GATD1: variants seen among roughly 807,000 people sequenced by gnomAD.
GATD1 encodes the protein glutamine amidotransferase class 1 domain containing 1.
GATD1 carries 23 observed loss-of-function variants against 25.9 expected under a neutral mutation model. That is an observed-to-expected ratio of 0.89 (90% CI 0.64 to 1.26). GATD1 has a LOEUF of 1.26. GATD1 is among the 50% of genes most tolerant of loss of function. The pLI is 0.00. For synonymous variants in GATD1, 177 were observed against 134.6 expected (o/e 1.31, Z -2.18); for missense variants, 347 against 312.5 (o/e 1.11, Z -0.83).
rs71022972 is a variant in GATD1 at position 775,976 on chromosome 11, C to CTTTTTTTTTTTT, written c.65-846_65-835dup. Among the ~76,000 whole-genome samples, 153 of 72,288 alleles carry CTTTTTTTTTTTT rather than the reference C, an allele frequency of 2.1e-3. 11 individuals carry two copies. Among genetic ancestry groups the CTTTTTTTTTTTT allele is most frequent in the East Asian group, 3.4e-3 (8 of 2,326 alleles). 47.4% of individuals were successfully genotyped at this position (72,288 alleles called of 152,430 possible). A position where few individuals can be genotyped will look rare whatever the true frequency, so the allele number is the denominator to read the frequency against. On this transcript the variant is annotated intron_variant, in intron 1 of 7. Coordinates refer to ENST00000319863, the MANE Select transcript of GATD1 (RefSeq NM_182612.4). ...CCTCAGCTTCATTTTTATCTTCATT[C>CTTTTTTTTTTTT]TTTTTTTTTTTTTTTTTTTTTTTTT... is the stretch of plus-strand genomic sequence containing the variant.
intron 4 of GATD1, 85 bp downstream of exon 4, chr11:773,437 T>C: frequency 8.6e-7 from 1 of 1,164,862 alleles, no homozygotes; most frequent in East Asian, 2.5e-5. Flanking sequence ...CCTGGAGTCT[T>C]CCCACCTCTC....
intron 3 of GATD1, among the ~76,000 whole-genome samples, 176 bp from the exon 4 acceptor site, chr11:773,805 G>A (rs1273952344): frequency 6.6e-6 from 1 of 152,090 alleles, no homozygotes; most frequent in African/African-American, 2.4e-5. Context: ...TGACTTTCCT[G>A]TCTCCACACA....
rs1339104131 is a variant in GATD1, at chr11:770,626, C to G, written c.*271G>C. On this transcript the variant is annotated 3_prime_UTR_variant, in exon 8 of 8. Transcript: ENST00000319863. ...CCAGCCTGGAATTCCCGAGGACCAC[C>G]TAGCAGCTAGCACAGCTCTCCAGGC... The G allele has an allele frequency of 1.4e-6, 2 of 1,417,204 alleles. No individual in the cohort carries two copies. Among genetic ancestry groups the G allele is most frequent in the Non-Finnish European group, 1.8e-6 (2 of 1,089,484 alleles). The allele number at this position is 1,417,204 out of a possible 1,614,324, so 87.8% of individuals were successfully genotyped here. A position where few individuals can be genotyped will look rare whatever the true frequency, so the allele number is the denominator to read the frequency against.
In GATD1 at chr11:775,976, C is replaced by CTTTTTTTTTTTTT. The variant is rs71022972; in HGVS notation, c.65-847_65-835dup. ...CCTCAGCTTCATTTTTATCTTCATT[C>CTTTTTTTTTTTTT]TTTTTTTTTTTTTTTTTTTTTTTTT... On this transcript the variant is annotated intron_variant, in intron 1 of 7. Transcript: ENST00000319863. 7.9e-4 allele frequency among the ~76,000 whole-genome samples: 57 copies of CTTTTTTTTTTTTT among 72,286 alleles called. 6 individuals are homozygous for CTTTTTTTTTTTTT. The highest frequency in any genetic ancestry group is 0.017 in the Middle Eastern group (1 of 58). 47.4% of individuals were successfully genotyped at this position (72,286 alleles called of 152,430 possible).
chr11:774,398 T>TA (rs1349807044), intron 2 of GATD1, among the ~76,000 whole-genome samples: 1 of 152,236 alleles, frequency 6.6e-6, no homozygotes, highest in African/African-American at 2.4e-5. Context: ...TACTATGACT[T>TA]ATGTACATCT....
Position 769,354 on chromosome 11 carries a change from C to A in GATD1, c.*1543G>T. 1 of 961,100 alleles carries A rather than the reference C, an allele frequency of 1.0e-6. No homozygotes were observed. Among genetic ancestry groups the A allele is most frequent in the Non-Finnish European group, 1.2e-6 (1 of 807,810 alleles). 59.5% of individuals were successfully genotyped at this position (961,100 alleles called of 1,614,324 possible). A position where few individuals can be genotyped will look rare whatever the true frequency, so the allele number is the denominator to read the frequency against. ...TTTTTATTTTTGAGACGGAGTTTCA[C>A]TCATTGCCCAGGTTGGAGTGCAATG... is the stretch of plus-strand genomic sequence containing the variant. On this transcript the variant is annotated 3_prime_UTR_variant, in exon 8 of 8. Transcript: ENST00000319863.
rs914242281 is a variant in GATD1 at position 770,421 on chromosome 11, G to C, written c.*476C>G. The stretch of plus-strand genomic sequence containing the variant: ...CTCCTAAAAAATTCCGTTCACCTTT[G>C]GCCAAAGTTCTGAGCCAGCTCCCGC... On this transcript the variant is annotated 3_prime_UTR_variant, in exon 8 of 8. Transcript: ENST00000319863. 5.3e-6 allele frequency: 8 copies of C among 1,514,506 alleles called. No individual in the cohort carries two copies. In the African/African-American group the frequency reaches 1.1e-4, roughly 21 times the overall value. 93.8% of individuals were successfully genotyped at this position (1,514,506 alleles called of 1,614,324 possible).
intron 5 of GATD1, 51 bp downstream of exon 5, chr11:772,376 G>C (rs1389572079): frequency 1.5e-6 from 2 of 1,293,490 alleles, no homozygotes; most frequent in East Asian, 4.6e-5. Flanking sequence ...TGGCTGTGAT[G>C]GGGGAGGACA....
chr11:770,223 C>A lies in GATD1; in HGVS notation c.*674G>T. On this transcript the variant is annotated 3_prime_UTR_variant, in exon 8 of 8. Transcript: ENST00000319863. Reference sequence around the variant, plus strand: ...CTGTGCAAGGCCGTGGGGGACAGCACTTTCCTATCATTGAGAATCTCATGG... The same window carrying A: ...CTGTGCAAGGCCGTGGGGGACAGCAATTTCCTATCATTGAGAATCTCATGG... The A allele has an allele frequency of 7.2e-7, 1 of 1,382,796 alleles. No homozygotes were observed. The highest frequency in any genetic ancestry group is 9.4e-7 in the Non-Finnish European group (1 of 1,063,680). 85.7% of individuals were successfully genotyped at this position (1,382,796 alleles called of 1,614,324 possible).
At position 767,957 on chromosome 11, in the gene GATD1, T is replaced by G. The variant is rs1863149198; in HGVS notation, c.*2940A>C. The G allele has an allele frequency of 6.6e-6, 1 of 152,118 alleles. No homozygotes were observed. The highest frequency in any genetic ancestry group is 6.6e-5 in the Admixed American group (1 of 15,262). 9.4% of individuals were successfully genotyped at this position (152,118 alleles called of 1,614,324 possible). On this transcript the variant is annotated 3_prime_UTR_variant, in exon 8 of 8. Coordinates refer to ENST00000319863, the MANE Select transcript of GATD1 (RefSeq NM_182612.4). ...CCTCCGCCTCCTGGGTTCAAGCGAT[T>G]CTCCTGCCTCAGCCTCCCAAGTAAA... is the stretch of plus-strand genomic sequence containing the variant.
At position 770,768 on chromosome 11, in the gene GATD1, A is replaced by T; in HGVS notation, c.*129T>A. On this transcript the variant is annotated 3_prime_UTR_variant, in exon 8 of 8. Transcript: ENST00000319863. Reference sequence around the variant, plus strand: ...ATTCCAGGAGGCCTCCAACAATCCCATCAGGGCCAGACCAGGCTGCCATCC... The same window carrying T: ...ATTCCAGGAGGCCTCCAACAATCCCTTCAGGGCCAGACCAGGCTGCCATCC... The T allele has an allele frequency of 6.6e-7, 1 of 1,519,804 alleles. No individual in the cohort carries two copies. Among genetic ancestry groups the T allele is most frequent in the Non-Finnish European group, 8.8e-7 (1 of 1,137,258 alleles). The allele number at this position is 1,519,804 out of a possible 1,614,324, so 94.1% of individuals were successfully genotyped here.
At chr11:772,060 A>C (rs1456522425) in intron 5 of GATD1, among the ~76,000 whole-genome samples, 1 of 152,124 alleles carries the variant, frequency 6.6e-6, no homozygotes, top group Non-Finnish European at 1.5e-5. Flanking sequence ...GTCTCCGAGG[A>C]CACCCTGGCT....
chr11:773,068 C>T (rs768365687), intron 4 of GATD1, among the ~76,000 whole-genome samples: 149 of 152,350 alleles, frequency 9.8e-4, no homozygotes, highest in Admixed American at 1.8e-3. Flanking sequence ...CACTCCAACA[C>T]ACAAAGGGTG....
rs1565013540 is a variant in GATD1 at position 773,631 on chromosome 11, T to G, written c.248-2A>C. 1 of 1,602,400 alleles carries G rather than the reference T, an allele frequency of 6.2e-7. No homozygotes were observed. Among genetic ancestry groups the G allele is most frequent in the Non-Finnish European group, 8.5e-7 (1 of 1,175,582 alleles). On this transcript the variant is annotated splice_acceptor_variant, in intron 3 of 7. Coordinates refer to ENST00000319863, the MANE Select transcript of GATD1 (RefSeq NM_182612.4). LOFTEE classifies it high-confidence loss of function. ...TCAGGAGGGCATGGTACCGGGCACC[T>G]GGGGGGAGACCACAAACCAGGTAGC...
chr11:777,464 G>A lies in GATD1; in HGVS notation c.-2C>T, dbSNP rs1445936360. 1.1e-5 allele frequency: 14 copies of A among 1,235,454 alleles called. No homozygotes were observed. The highest frequency in any genetic ancestry group is 1.0e-4 in the East Asian group (3 of 28,982). 76.5% of individuals were successfully genotyped at this position (1,235,454 alleles called of 1,614,324 possible). ...GTTAGGGAGCCGCTCGGACGCCATG[G>A]CTCGGGCTCGGCGCTGGGTCTGCGC... On this transcript the variant is annotated 5_prime_UTR_variant, in exon 1 of 8. Coordinates refer to ENST00000319863, the MANE Select transcript of GATD1 (RefSeq NM_182612.4).
Position 767,270 on chromosome 11 carries a change from A to G in GATD1, c.*3627T>C. The G allele has an allele frequency of 6.5e-7, 1 of 1,536,040 alleles. No homozygotes were observed. The highest frequency in any genetic ancestry group is 8.7e-7 in the Non-Finnish European group (1 of 1,146,854). ...ATTCCTCATGGGTAGATGAACACAC[A>G]CTGGTATATGGGGAAATCCTCACCC... On this transcript the variant is annotated 3_prime_UTR_variant, in exon 8 of 8. Transcript: ENST00000319863.
chr11:774,068 A>C lies in GATD1; in HGVS notation c.187T>G (p.Trp63Gly). 6.2e-7 allele frequency: 1 copy of C among 1,613,740 alleles called. No homozygotes were observed. Among genetic ancestry groups the C allele is most frequent in the African/African-American group, 1.3e-5 (1 of 75,052 alleles). ...FVDVTESNARWVQDFRLKAYA... is the reference protein window; with the variant it reads ...FVDVTESNARGVQDFRLKAYA... ...GCCTTGAGGCGGAAGTCTTGCACCC[A>C]GCGTGCATTGCTCTCAGTCACATCC... Residue 63 changes from tryptophan to glycine, a missense_variant, in exon 3 of 8, where the codon TGG (tryptophan) becomes GGG (glycine). Coordinates refer to ENST00000319863, the MANE Select transcript of GATD1 (RefSeq NM_182612.4).
At position 770,765 on chromosome 11, in the gene GATD1, C is replaced by A. The variant is rs1863355273; in HGVS notation, c.*132G>T. The A allele has an allele frequency of 1.3e-6, 2 of 1,509,580 alleles. No homozygotes were observed. The highest frequency in any genetic ancestry group is 2.8e-5 in the African/African-American group (2 of 71,736). 93.5% of individuals were successfully genotyped at this position (1,509,580 alleles called of 1,614,324 possible). ...CTGATTCCAGGAGGCCTCCAACAAT[C>A]CCATCAGGGCCAGACCAGGCTGCCA... is the stretch of plus-strand genomic sequence containing the variant. On this transcript the variant is annotated 3_prime_UTR_variant, in exon 8 of 8. Transcript: ENST00000319863.
chr11:771,530 G>C, intron 5 of GATD1, 104 bp from the exon 6 acceptor site: 1 of 1,431,960 alleles, frequency 7.0e-7, no homozygotes, highest in South Asian at 1.5e-5. Flanking sequence ...CCAACCAAGT[G>C]GGACCGGGGG....
Sources: gnomAD v4.1 joint callset for allele counts (sites outside exome capture counted in the v4.1 genomes callset) on GRCh38, gnomAD v4.1.1 for gene constraint, MANE v1.5 for transcripts, NCBI Gene and HGNC (gene_info 2026-07-23, HGNC 2026-07-21) for gene names.